Variants in ZER1 observed in about 807,000 individuals in gnomAD.
The protein encoded by ZER1 is protein zer-1 homolog.
A neutral mutation model predicts 78.8 loss-of-function variants in ZER1; 11 were observed. That is an observed-to-expected ratio of 0.14 (90% CI 0.09 to 0.23). The LOEUF is 0.23. ZER1 is among the 10% of genes least tolerant of loss of function. The probability of loss-of-function intolerance (pLI) is 1.00; values close to 1 mark genes in which losing one functional copy is unlikely to be tolerated. For synonymous variants in ZER1, 400 were observed against 407.0 expected, an observed-to-expected ratio of 0.98 and a Z score of 0.21; for missense variants, 588 against 996.9, an observed-to-expected ratio of 0.59 and a Z score of 5.52.
At chr9:128,767,114 T>G (rs1864237791) in intron 1 of ZER1, among the ~76,000 whole-genome samples, 1 of 136,784 alleles carries the variant, frequency 7.3e-6, no homozygotes, top group South Asian at 2.6e-4. Context: ...GGCTAATTTT[T>G]GTATTTTTAG....
intron 1 of ZER1, among the ~76,000 whole-genome samples, chr9:128,761,724 C>A (rs555418000): frequency 6.6e-6 from 1 of 151,746 alleles, no homozygotes; most frequent in East Asian, 1.9e-4. Context: ...CTTGCCTCAG[C>A]CTCCCAAGTA....
At chr9:128,747,871 G>A (rs1863547587) in intron 8 of ZER1, among the ~76,000 whole-genome samples, 1 of 152,066 alleles carries the variant, frequency 6.6e-6, no homozygotes, top group South Asian at 2.1e-4. Flanking sequence ...TGCCTTCCTC[G>A]GCCCTCCAAA....
chr9:128,733,828 C>T (rs1378835816), intron 14 of ZER1, among the ~76,000 whole-genome samples: 3 of 144,918 alleles, frequency 2.1e-5, no homozygotes, highest in Non-Finnish European at 4.5e-5. Context: ...AATATATAAT[C>T]TTAAAATATA....
intron 1 of ZER1, among the ~76,000 whole-genome samples, chr9:128,768,650 G>A (rs1864289468): frequency 6.6e-6 from 1 of 152,144 alleles, no homozygotes; most frequent in Admixed American, 6.5e-5. Context: ...CAAATTCTCT[G>A]GCCCAGTTGC....
At chr9:128,742,425 C>T in intron 9 of ZER1, 105 bp downstream of exon 9, 3 of 1,356,348 alleles carry the variant, frequency 2.2e-6, no homozygotes, top group Non-Finnish European at 3.1e-6. Context: ...CTCTCCCTCT[C>T]CGACTCCCAG....
At chr9:128,769,487 C>T (rs928966031) in intron 1 of ZER1, among the ~76,000 whole-genome samples, 5 of 151,598 alleles carry the variant, frequency 3.3e-5, no homozygotes, top group Admixed American at 3.3e-4. Context: ...GATCTCAGCT[C>T]ACTTCAACCT....
Position 128,753,412 on chromosome 9 carries a change from A to G in ZER1, c.498T>C (p.Val166=), listed in dbSNP as rs201796623. The G allele has an allele frequency of 1.9e-6, 3 of 1,614,054 alleles. No individual in the cohort carries two copies. The highest frequency in any genetic ancestry group is 3.3e-5 in the Admixed American group (2 of 59,996). The change falls in exon 4 of 16, where the codon GTT becomes GTC. Residue 166 remains valine, a synonymous_variant. Transcript: ENST00000291900. The surrounding 1 kb of genome is among the most constrained non-coding windows in gnomAD (Gnocchi z 7.5). ...TGAAGCCCTCGAAGGTGAAATCCTT[A>G]ACCAGCACCTGGCAGGTGGGGTTGA... ...YLVNPTCQVL[V]KDFTFEGFSR...
In ZER1 at chr9:128,751,399, C is replaced by T. The variant is rs376496668; in HGVS notation, c.1038+14G>A. On this transcript the variant is annotated intron_variant, in intron 6 of 15. Coordinates refer to ENST00000291900, the MANE Select transcript of ZER1 (RefSeq NM_006336.4). This position sits in a 1 kb window ranked among gnomAD's most constrained non-coding sequence, Gnocchi z 5.4. ...GGCTCCCTGGCCCAGACCCATCCCA[C>T]TTCCACTGCTCACTTTGTAGGCTGG... is the stretch of plus-strand genomic sequence containing the variant. The T allele has an allele frequency of 1.0e-4, 165 of 1,614,022 alleles. No homozygotes were observed. The highest frequency in any genetic ancestry group is 9.1e-5 in the Non-Finnish European group (107 of 1,179,996).
intron 1 of ZER1, among the ~76,000 whole-genome samples, chr9:128,762,227 C>T (rs377442148): frequency 5.9e-5 from 9 of 152,002 alleles, no homozygotes; most frequent in East Asian, 5.8e-4. Context: ...ACACCCCTGA[C>T]TTAGAGGGTT....
At chr9:128,760,255 T>C (rs1242523498) in intron 1 of ZER1, among the ~76,000 whole-genome samples, 2 of 151,986 alleles carry the variant, frequency 1.3e-5, no homozygotes, top group Admixed American at 6.6e-5. Flanking sequence ...CAGGCTGGAG[T>C]GCAGTGGGGC....
intron 1 of ZER1, among the ~76,000 whole-genome samples, chr9:128,759,172 G>GT (rs886843182): frequency 1.2e-3 from 170 of 142,314 alleles, no homozygotes; most frequent in Admixed American, 2.9e-3. Context: ...AGTGAATATT[G>GT]TTTTTTTTTT....
rs879040278 is a variant in ZER1 at position 128,740,159 on chromosome 9, C to T, written c.1854-40G>A. ...ACAGAAAAATGGAGTCCCACTCCCC[C>T]AGTTTCTCTTCAGATACCAGCGGCA... On this transcript the variant is annotated intron_variant, in intron 12 of 15. Transcript: ENST00000291900. This position sits in a 1 kb window ranked among gnomAD's most constrained non-coding sequence, Gnocchi z 4.4. 8 of 1,548,098 alleles carry T rather than the reference C, an allele frequency of 5.2e-6. No individual in the cohort carries two copies. Among genetic ancestry groups the T allele is most frequent in the Non-Finnish European group, 7.0e-6 (8 of 1,140,106 alleles).
At chr9:128,758,801 C>T (rs1316386978) in intron 1 of ZER1, among the ~76,000 whole-genome samples, 1 of 151,998 alleles carries the variant, frequency 6.6e-6, no homozygotes, top group African/African-American at 2.4e-5. Context: ...TGTCACTCCA[C>T]TAAGTTCAAA....
At chr9:128,767,296 G>GAGTGC (rs1188192705) in intron 1 of ZER1, among the ~76,000 whole-genome samples, 1 of 151,786 alleles carries the variant, frequency 6.6e-6, no homozygotes, top group Non-Finnish European at 1.5e-5. Context: ...ACCCAGGCTG[G>GAGTGC]AGTGCAGTGG....
At chr9:128,764,295 ACT>A (rs1168525763) in intron 1 of ZER1, among the ~76,000 whole-genome samples, 1 of 151,970 alleles carries the variant, frequency 6.6e-6, no homozygotes, top group African/African-American at 2.4e-5. Context: ...GGTATAGTAC[ACT>A]CTCGCATTCT....
chr9:128,753,299 A>G lies in ZER1; in HGVS notation c.611T>C (p.Leu204Ser). The G allele has an allele frequency of 6.2e-7, 1 of 1,611,890 alleles. No homozygotes were observed. The highest frequency in any genetic ancestry group is 8.5e-7 in the Non-Finnish European group (1 of 1,179,056). ...LLRPLNSLAALDLSGIQTSDA... is the reference protein window; with the variant it reads ...LLRPLNSLAASDLSGIQTSDA... ...GCTCGTCTGAATGCCTGAGAGGTCC[A>G]AGGCAGCCAGGGAGTTAAGCGGCCG... The change falls in exon 4 of 16, where the codon TTG becomes TCG. Residue 204 changes from leucine to serine, a missense_variant. Leu to Ser is a moderately radical substitution (Grantham distance 145). This residue lies in a region of ZER1 where 406 missense variants were observed against 660.1 expected (regional missense o/e 0.62). Coordinates refer to ENST00000291900, the MANE Select transcript of ZER1 (RefSeq NM_006336.4). The surrounding 1 kb of genome is among the most constrained non-coding windows in gnomAD (Gnocchi z 7.5).
At chr9:128,772,144 G>A (rs982461350), upstream of ZER1, among the ~76,000 whole-genome samples, 1 of 152,240 alleles carries the variant, frequency 6.6e-6, no homozygotes, top group Non-Finnish European at 1.5e-5. Context: ...CCTGGCCTCC[G>A]AGGGGCCTGT....
chr9:128,767,901 A>G (rs1864265588), intron 1 of ZER1, among the ~76,000 whole-genome samples: 1 of 152,186 alleles, frequency 6.6e-6, no homozygotes, highest in Admixed American at 6.6e-5. Flanking sequence ...GAGTGGCTCA[A>G]TGCCAGTGAC....
Position 128,751,059 on chromosome 9 carries a change from C to A in ZER1, c.1185+63G>T. ...CACAGGCTCTGGGGACACGGCTCAGCCAAGCCCGGCAACCTCCAGGTGGGG... is the reference window on the plus strand; with the variant it reads ...CACAGGCTCTGGGGACACGGCTCAGACAAGCCCGGCAACCTCCAGGTGGGG... On this transcript the variant is annotated intron_variant, in intron 7 of 15. Coordinates refer to ENST00000291900, the MANE Select transcript of ZER1 (RefSeq NM_006336.4). The surrounding 1 kb of genome is among the most constrained non-coding windows in gnomAD (Gnocchi z 5.4). 6.5e-7 allele frequency: 1 copy of A among 1,528,358 alleles called. No individual in the cohort carries two copies. Among genetic ancestry groups the A allele is most frequent in the Non-Finnish European group, 8.8e-7 (1 of 1,136,288 alleles). The allele number at this position is 1,528,358 out of a possible 1,614,324, so 94.7% of individuals were successfully genotyped here. A position where few individuals can be genotyped will look rare whatever the true frequency, so the allele number is the denominator to read the frequency against.
Sources: gnomAD v4.1 joint callset for allele counts (sites outside exome capture counted in the v4.1 genomes callset) on GRCh38, gnomAD v4.1.1 for gene constraint, gnomAD v4.1.1 regional missense constraint, Gnocchi (gnomAD v3.1) non-coding constraint, MANE v1.5 for transcripts, NCBI Gene and HGNC (gene_info 2026-07-23, HGNC 2026-07-21) for gene names.